TLK1: variants seen among roughly 807,000 people sequenced by gnomAD.
The protein encoded by TLK1 is serine/threonine-protein kinase tousled-like 1.
A neutral mutation model predicts 105.3 loss-of-function variants in TLK1; 24 were observed. That is an observed-to-expected ratio of 0.23 (90% confidence interval 0.17 to 0.32). The LOEUF is 0.32. Among genes scored for constraint, TLK1 ranks in the 10% least tolerant of loss-of-function variants. The probability of loss-of-function intolerance (pLI) is 1.00; values close to 1 mark genes in which losing one functional copy is unlikely to be tolerated. For synonymous variants in TLK1, 321 were observed against 310.4 expected, an observed-to-expected ratio of 1.03 and a Z score of -0.36; for missense variants, 558 against 910.5, an observed-to-expected ratio of 0.61 and a Z score of 4.98.
At chr2:171,180,945 A>C (rs1692919279) in intron 1 of TLK1, among the ~76,000 whole-genome samples, 1 of 152,136 alleles carries the variant, frequency 6.6e-6, no homozygotes. Flanking sequence ...TGGGGCTTTA[A>C]AATATGATTA....
chr2:171,187,078 AAAAAAG>A (rs1287672796), intron 1 of TLK1, among the ~76,000 whole-genome samples: 20 of 127,392 alleles, frequency 1.6e-4, no homozygotes, highest in East Asian at 3.5e-4. Flanking sequence ...AAAAAAAAAA[AAAAAAG>A]AAAAAGAAAA....
At chr2:171,018,003 AG>A (rs758345593) in intron 12 of TLK1, among the ~76,000 whole-genome samples, 91 of 152,328 alleles carry the variant, frequency 6.0e-4, no homozygotes, top group South Asian at 1.4e-3. Flanking sequence ...ACTAAGAAAA[AG>A]TACATATATT....
In TLK1 at chr2:171,173,996, C is replaced by T. The variant is rs530264261; in HGVS notation, c.-5-56139G>A. On this transcript the variant is annotated intron_variant, in intron 1 of 20. Transcript: ENST00000521943. ...TTAAACAGCCTGTTGAATCCATCTC[C>T]TCCCATTCATTCATCTGTCCATCCA... Among the ~76,000 whole-genome samples the T allele has an allele frequency of 3.3e-5, 5 of 152,314 alleles. No homozygotes were observed. The East Asian group carries it at 9.6e-4, about 29-fold the overall frequency.
At chr2:171,089,651 G>A (rs919007849) in intron 2 of TLK1, among the ~76,000 whole-genome samples, 1 of 152,086 alleles carries the variant, frequency 6.6e-6, no homozygotes, top group Non-Finnish European at 1.5e-5. Context: ...GTCAATATCA[G>A]ACTGACTTAA....
chr2:171,205,006 T>C (rs1405569446), intron 1 of TLK1, among the ~76,000 whole-genome samples: 1 of 151,024 alleles, frequency 6.6e-6, no homozygotes, highest in Non-Finnish European at 1.5e-5. Flanking sequence ...AAGGAAATTA[T>C]GATGTTAAAT....
chr2:171,054,114 G>T, intron 7 of TLK1: 1 of 258,428 alleles, frequency 3.9e-6, no homozygotes. Context: ...GCTGCTTTGT[G>T]CTATACGTTC....
At chr2:171,110,818 T>C (rs1230576880) in intron 2 of TLK1, among the ~76,000 whole-genome samples, 1 of 152,166 alleles carries the variant, frequency 6.6e-6, no homozygotes, top group African/African-American at 2.4e-5. Context: ...ATCTGTCAAA[T>C]CTTACAACAG....
intron 2 of TLK1, among the ~76,000 whole-genome samples, chr2:171,102,581 G>T (rs537301509): frequency 2.4e-4 from 36 of 152,172 alleles, no homozygotes; most frequent in African/African-American, 8.4e-4. Context: ...AAATCTAAAA[G>T]AATTATTTAA....
chr2:171,044,002 T>TG, intron 11 of TLK1, among the ~76,000 whole-genome samples: 1 of 152,364 alleles, frequency 6.6e-6, no homozygotes, highest in East Asian at 1.9e-4. Flanking sequence ...ATAGTCAAAA[T>TG]GTTTTAATTG....
chr2:171,208,406 A>G (rs768026044), intron 1 of TLK1, among the ~76,000 whole-genome samples: 5 of 152,186 alleles, frequency 3.3e-5, no homozygotes, highest in Non-Finnish European at 7.3e-5. Context: ...TTAAATGCTC[A>G]AGGAAACTGA....
At chr2:171,093,384 T>C (rs574371459) in intron 2 of TLK1, among the ~76,000 whole-genome samples, 23 of 152,258 alleles carry the variant, frequency 1.5e-4, no homozygotes, top group African/African-American at 5.1e-4. Context: ...CAGAGAAACA[T>C]CCTTAAAGTG....
intron 4 of TLK1, 130 bp downstream of exon 4, chr2:171,060,951 T>G: frequency 1.2e-6 from 1 of 808,870 alleles, no homozygotes; most frequent in Non-Finnish European, 1.9e-6. Context: ...CATTATACAC[T>G]AACTACCTGT....
At chr2:171,175,290 T>G (rs1692800015) in intron 1 of TLK1, among the ~76,000 whole-genome samples, 2 of 151,762 alleles carry the variant, frequency 1.3e-5, no homozygotes, top group South Asian at 2.1e-4. Flanking sequence ...TTTAATCAAC[T>G]AAAGATTAAA....
At chr2:171,047,592 C>T (rs959124072) in intron 10 of TLK1, among the ~76,000 whole-genome samples, 1 of 152,060 alleles carries the variant, frequency 6.6e-6, no homozygotes, top group African/African-American at 2.4e-5. Flanking sequence ...AAAGTGAGAA[C>T]AAGACTTTAA....
chr2:171,113,679 A>C (rs1690282856), intron 2 of TLK1, among the ~76,000 whole-genome samples: 1 of 152,220 alleles, frequency 6.6e-6, no homozygotes, highest in Non-Finnish European at 1.5e-5. Flanking sequence ...ATGATTTAAG[A>C]AGCACTGTGG....
chr2:171,065,517 C>T (rs767959264), intron 3 of TLK1, among the ~76,000 whole-genome samples: 15 of 150,934 alleles, frequency 9.9e-5, no homozygotes, highest in Non-Finnish European at 1.6e-4. Context: ...GGTTTCAAAA[C>T]TGCAACTTCA....
At chr2:171,087,037 C>T (rs1689011660) in intron 2 of TLK1, among the ~76,000 whole-genome samples, 1 of 152,056 alleles carries the variant, frequency 6.6e-6, no homozygotes, top group Admixed American at 6.6e-5. Context: ...TTCAGTCTAG[C>T]CAAGTTAACT....
chr2:171,099,961 T>TTAGATATGACACCTACAGAA (rs1689618630), intron 2 of TLK1, among the ~76,000 whole-genome samples: 1 of 152,212 alleles, frequency 6.6e-6, no homozygotes, highest in East Asian at 1.9e-4. Context: ...CAATGATTTC[T>TTAGATATGACACCTACAGAA]TAGATATGAC....
chr2:171,097,944 G>T (rs1021461550), intron 2 of TLK1, among the ~76,000 whole-genome samples: 23 of 151,814 alleles, frequency 1.5e-4, no homozygotes, highest in African/African-American at 5.1e-4. Flanking sequence ...GGAAGGGAAA[G>T]GGGAAAGGGG....
Sources: allele counts gnomAD v4.1 joint callset (sites outside exome capture counted in the v4.1 genomes callset), GRCh38; gene constraint gnomAD v4.1.1; transcripts MANE v1.5; gene names NCBI Gene and HGNC (gene_info 2026-07-23, HGNC 2026-07-21).